The following PBX3 variants were observed in gnomAD, a reference collection of about 807,000 sequenced individuals.
PBX3 encodes the protein pre-B-cell leukemia transcription factor 3.
Under a neutral mutation model 48.5 loss-of-function variants are expected in PBX3, and 14 were observed. The ratio of observed to expected loss-of-function variants is 0.29; its 90% confidence interval spans 0.19 to 0.45. The LOEUF is 0.45. Ranked by LOEUF, PBX3 falls within the 20% of genes least tolerant of loss-of-function variation. The pLI is 1.00. For synonymous variants in PBX3, 210 were observed against 200.3 expected (o/e 1.05, Z -0.41); for missense variants, 386 against 546.7 (o/e 0.71, Z 2.93).
chr9:125,808,210 A>G (rs1838184571), intron 2 of PBX3, among the ~76,000 whole-genome samples: 2 of 152,168 alleles, frequency 1.3e-5, no homozygotes, highest in Non-Finnish European at 2.9e-5. Context: ...TTGTTGGTTT[A>G]TGATTATATC....
At chr9:125,875,328 G>A (rs1283508190) in intron 2 of PBX3, among the ~76,000 whole-genome samples, 1 of 151,962 alleles carries the variant, frequency 6.6e-6, no homozygotes, top group Admixed American at 6.6e-5. Context: ...TTCCATGTTA[G>A]CAATTTTTAT....
At chr9:125,933,240 A>C (rs535902166) in intron 4 of PBX3, among the ~76,000 whole-genome samples, 75 of 152,230 alleles carry the variant, frequency 4.9e-4, no homozygotes, top group Admixed American at 1.2e-3. Flanking sequence ...TCCCTTGCTC[A>C]CTCTGACTTC....
chr9:125,935,463 T>C lies in PBX3; in HGVS notation c.708-9T>C. ...TAACTGCAATTATTTTCTTTCACTC[T>C]TGTCATAGACGGAAAAGGCGTAACT... On this transcript the variant is annotated splice_polypyrimidine_tract_variant and intron_variant, in intron 4 of 8. Coordinates refer to ENST00000373489, the MANE Select transcript of PBX3 (RefSeq NM_006195.6). 2 of 1,613,224 alleles carry C rather than the reference T, an allele frequency of 1.2e-6. No homozygotes were observed. The highest frequency in any genetic ancestry group is 1.7e-6 in the Non-Finnish European group (2 of 1,179,330).
chr9:125,779,277 T>A (rs924723269), intron 2 of PBX3, among the ~76,000 whole-genome samples: 6 of 148,878 alleles, frequency 4.0e-5, no homozygotes, highest in East Asian at 1.9e-4. Flanking sequence ...TTATTTTTTT[T>A]ATTGATCATT....
At chr9:125,950,403 A>G (rs965465215) in intron 5 of PBX3, among the ~76,000 whole-genome samples, 14 of 151,950 alleles carry the variant, frequency 9.2e-5, no homozygotes, top group South Asian at 2.1e-4. Flanking sequence ...CTGAATTTCT[A>G]TTTGTTCGGT....
At chr9:125,950,886 T>C (rs1294762212) in intron 5 of PBX3, among the ~76,000 whole-genome samples, 1 of 152,086 alleles carries the variant, frequency 6.6e-6, no homozygotes, top group African/African-American at 2.4e-5. Flanking sequence ...ATTGAAAAGG[T>C]AGAATATAGG....
chr9:125,900,351 TAC>T (rs1296559678), intron 2 of PBX3, among the ~76,000 whole-genome samples: 2 of 151,492 alleles, frequency 1.3e-5, no homozygotes, highest in African/African-American at 4.8e-5. Flanking sequence ...CCACTTATTG[TAC>T]AGAGATGTAG....
intron 2 of PBX3, among the ~76,000 whole-genome samples, chr9:125,904,831 C>T (rs1018743095): frequency 6.6e-6 from 1 of 151,812 alleles, no homozygotes; most frequent in Non-Finnish European, 1.5e-5. Flanking sequence ...TATGTAGTTC[C>T]TCATAATTTT....
chr9:125,793,350 T>TG (rs765754619), intron 2 of PBX3, among the ~76,000 whole-genome samples: 1,419 of 79,126 alleles, frequency 0.018, 12 homozygotes, highest in Non-Finnish European at 0.021. Flanking sequence ...AGACTCCATT[T>TG]GGGGGGGAAA....
intron 2 of PBX3, among the ~76,000 whole-genome samples, chr9:125,761,666 AG>A (rs1836671118): frequency 6.6e-6 from 1 of 152,170 alleles, no homozygotes; most frequent in Admixed American, 6.5e-5. Context: ...TTTCTAATAA[AG>A]TGTGAATAGA....
At chr9:125,824,394 G>A (rs1435868255) in intron 2 of PBX3, among the ~76,000 whole-genome samples, 3 of 152,266 alleles carry the variant, frequency 2.0e-5, no homozygotes, top group South Asian at 2.1e-4. Flanking sequence ...CCACAGTTCC[G>A]TTATTCCATG....
chr9:125,761,135 A>G (rs1279077658), intron 2 of PBX3, among the ~76,000 whole-genome samples: 2 of 152,176 alleles, frequency 1.3e-5, no homozygotes, highest in Non-Finnish European at 2.9e-5. Flanking sequence ...ATGAAGTGCA[A>G]CATAAATATC....
intron 5 of PBX3, among the ~76,000 whole-genome samples, chr9:125,960,013 A>T (rs895395391): frequency 6.6e-6 from 1 of 152,238 alleles, no homozygotes; most frequent in African/African-American, 2.4e-5. Flanking sequence ...CTGACATCAT[A>T]AGAAGTTTGC....
chr9:125,835,370 T>C lies in PBX3; in HGVS notation c.275-80316T>C, dbSNP rs10986967. ...AGAGCTGGGAGATGGCCCTAGAGTC[T>C]ATACTCTTAACCGTTATATTCTACT... On this transcript the variant is annotated intron_variant, in intron 2 of 8. Transcript: ENST00000373489. Among the ~76,000 whole-genome samples, 1,073 of 152,282 alleles carry C rather than the reference T, an allele frequency of 7.0e-3. 61 individuals are homozygous for C. The East Asian group carries it at 0.14, about 19-fold the overall frequency.
At chr9:125,856,252 T>A (rs80266211) in intron 2 of PBX3, among the ~76,000 whole-genome samples, 5,394 of 152,260 alleles carry the variant, frequency 0.035, 327 homozygotes, top group African/African-American at 0.12. Flanking sequence ...GGGGCCTCTT[T>A]TTGAATCAAT....
chr9:125,889,119 A>G (rs1271982086), intron 2 of PBX3, among the ~76,000 whole-genome samples: 2 of 152,206 alleles, frequency 1.3e-5, no homozygotes, highest in Non-Finnish European at 2.9e-5. Flanking sequence ...CCTATACACC[A>G]GACACCTTAT....
At chr9:125,905,764 A>G (rs1841056202) in intron 2 of PBX3, among the ~76,000 whole-genome samples, 1 of 152,028 alleles carries the variant, frequency 6.6e-6, no homozygotes, top group African/African-American at 2.4e-5. Context: ...CACTTTTTGT[A>G]ATTTGTACTT....
intron 5 of PBX3, among the ~76,000 whole-genome samples, chr9:125,951,672 T>A (rs1358573733): frequency 6.6e-6 from 1 of 152,144 alleles, no homozygotes; most frequent in Admixed American, 6.5e-5. Context: ...AACAGCCCCA[T>A]GAGAAGGAGA....
At chr9:125,772,370 T>C (rs915612542) in intron 2 of PBX3, among the ~76,000 whole-genome samples, 1 of 152,198 alleles carries the variant, frequency 6.6e-6, no homozygotes, top group Non-Finnish European at 1.5e-5. Flanking sequence ...ACTCCTAAAG[T>C]AGCTTGGCAC....
Sources: allele counts gnomAD v4.1 joint callset (sites outside exome capture counted in the v4.1 genomes callset), GRCh38; gene constraint gnomAD v4.1.1; transcripts MANE v1.5; gene names NCBI Gene and HGNC (gene_info 2026-07-23, HGNC 2026-07-21).